The following ALB variants were observed in gnomAD, a reference collection of about 807,000 sequenced individuals.
The protein encoded by ALB is serum albumin.
A neutral mutation model predicts 74.5 loss-of-function variants in ALB; 37 were observed. The observed-to-expected ratio is 0.50, with a 90% CI of 0.38 to 0.65. The LOEUF is 0.65. ALB is among the 30% of genes least tolerant of loss of function. The pLI is 0.00. For synonymous variants in ALB, 249 were observed against 251.6 expected (o/e 0.99, Z 0.10); for missense variants, 685 against 718.7 (o/e 0.95, Z 0.54).
At chr4:73,405,806 T>C (rs1199514030) in intron 2 of ALB, among the ~76,000 whole-genome samples, 1 of 152,072 alleles carries the variant, frequency 6.6e-6, no homozygotes, top group Non-Finnish European at 1.5e-5. Context: ...GCCAGGATGG[T>C]CTCAATCTCC....
At chr4:73,405,404 C>T (rs1405818263) in intron 2 of ALB, among the ~76,000 whole-genome samples, 1 of 152,100 alleles carries the variant, frequency 6.6e-6, no homozygotes, top group African/African-American at 2.4e-5. Flanking sequence ...GAAACAAAAA[C>T]TTAAATTGTA....
intron 4 of ALB, chr4:73,409,150 C>A: frequency 1.8e-6 from 1 of 562,078 alleles, no homozygotes; most frequent in Non-Finnish European, 3.1e-6. Context: ...CATTTATGCA[C>A]ACACACACAC....
At chr4:73,411,717 A>C (rs1194607742) in intron 6 of ALB, among the ~76,000 whole-genome samples, 2 of 152,198 alleles carry the variant, frequency 1.3e-5, no homozygotes, top group Non-Finnish European at 2.9e-5. Context: ...TCTGGACTCC[A>C]AACCTGATGC....
In ALB at chr4:73,408,779, T is replaced by A; in HGVS notation, c.456T>A (p.His152Gln). ...PEVDVMCTAF[H>Q]DNEETFLKKY... ...TTGATGTGATGTGCACTGCTTTTCATGACAATGAAGAGACATTTTTGAAAA... is the reference window on the plus strand; with the variant it reads ...TTGATGTGATGTGCACTGCTTTTCAAGACAATGAAGAGACATTTTTGAAAA... The change falls in exon 4 of 15, where the codon CAT becomes CAA. Residue 152 changes from histidine to glutamine, a missense_variant. Transcript: ENST00000295897. The A allele has an allele frequency of 1.2e-6, 2 of 1,613,826 alleles. No homozygotes were observed. Among genetic ancestry groups the A allele is most frequent in the Non-Finnish European group, 1.7e-6 (2 of 1,179,766 alleles).
At chr4:73,407,484 A>C (rs1718764074) in intron 3 of ALB, among the ~76,000 whole-genome samples, 1 of 152,210 alleles carries the variant, frequency 6.6e-6, no homozygotes, top group Non-Finnish European at 1.5e-5. Flanking sequence ...TGTGTGTACC[A>C]CATTTTCTTT....
At chr4:73,418,914 C>A (rs1052651239) in intron 12 of ALB, among the ~76,000 whole-genome samples, 1 of 152,148 alleles carries the variant, frequency 6.6e-6, no homozygotes, top group Non-Finnish European at 1.5e-5. Context: ...CCACACAAAT[C>A]TCTCCCTGGC....
chr4:73,412,288 C>T (rs1456035901), intron 7 of ALB, 163 bp downstream of exon 7: 3 of 864,698 alleles, frequency 3.5e-6, no homozygotes, highest in Non-Finnish European at 5.7e-6. Flanking sequence ...TGGTACCTTT[C>T]TGTTTTTAAC....
chr4:73,409,052 ATTAT>A, intron 4 of ALB: 1 of 575,486 alleles, frequency 1.7e-6, no homozygotes, highest in East Asian at 2.9e-5. Flanking sequence ...AGATAGACAA[ATTAT>A]TTAATGTATT....
intron 2 of ALB, among the ~76,000 whole-genome samples, chr4:73,405,613 C>G (rs538119532): frequency 1.3e-5 from 2 of 150,646 alleles, no homozygotes; most frequent in South Asian, 4.2e-4. Flanking sequence ...TTTTTTAAGA[C>G]AGGGTCTCGC....
chr4:73,410,575 C>A (rs1374356429), intron 6 of ALB, among the ~76,000 whole-genome samples, 166 bp downstream of exon 6: 1 of 152,090 alleles, frequency 6.6e-6, no homozygotes, highest in Non-Finnish European at 1.5e-5. Flanking sequence ...ATATCAATGA[C>A]AATTTGACAT....
At chr4:73,411,508 A>C (rs1363594521) in intron 6 of ALB, among the ~76,000 whole-genome samples, 4 of 152,236 alleles carry the variant, frequency 2.6e-5, no homozygotes, top group African/African-American at 9.6e-5. Flanking sequence ...GTTTCAATTG[A>C]GAAAAAAGAT....
At chr4:73,406,106 C>CA (rs1402302059) in intron 2 of ALB, among the ~76,000 whole-genome samples, 3 of 151,700 alleles carry the variant, frequency 2.0e-5, no homozygotes, top group South Asian at 2.1e-4. Flanking sequence ...AACAAACAAA[C>CA]AAAAAAATTA....
rs1577936414 is a variant in ALB, at chr4:73,409,235, C to T, written c.483-120C>T. ...ACAAGACCATCATGTGCAAATTGAG[C>T]TTAATTGGTTAATTAGATATCTTTG... On this transcript the variant is annotated intron_variant, in intron 4 of 14. Transcript: ENST00000295897. 2.7e-6 allele frequency: 3 copies of T among 1,092,802 alleles called. No individual in the cohort carries two copies. In the East Asian group the frequency reaches 7.5e-5, roughly 27 times the overall value. The allele number at this position is 1,092,802 out of a possible 1,614,324, so 67.7% of individuals were successfully genotyped here.
chr4:73,414,651 CACCA>C (rs1718970050), intron 8 of ALB, among the ~76,000 whole-genome samples: 1 of 152,080 alleles, frequency 6.6e-6, no homozygotes, highest in African/African-American at 2.4e-5. Flanking sequence ...GATGGGGTTT[CACCA>C]TGTTGGTCAG....
In ALB at chr4:73,417,156, A is replaced by G. The variant is rs553246351; in HGVS notation, c.1290-375A>G. 6.6e-5 allele frequency among the ~76,000 whole-genome samples: 10 copies of G among 152,320 alleles called. No homozygotes were observed. The South Asian group carries it at 2.1e-3, about 32-fold the overall frequency. ...CTACTTTTAATTTAACCCTTGAACT[A>G]TCCCTATTGAGTCAGATATATTTCC... On this transcript the variant is annotated intron_variant, in intron 10 of 14. Coordinates refer to ENST00000295897, the MANE Select transcript of ALB (RefSeq NM_000477.7).
chr4:73,408,472 A>G, intron 3 of ALB, 122 bp from the exon 4 acceptor site: 1 of 832,692 alleles, frequency 1.2e-6, no homozygotes, highest in Non-Finnish European at 1.9e-6. Context: ...TGGGAGGGGA[A>G]GCGGATTTTT....
At chr4:73,417,804 C>T (rs9999209) in intron 11 of ALB, 135 bp downstream of exon 11, 499,894 of 894,404 alleles carry the variant, frequency 0.56, 140,378 homozygotes, top group Non-Finnish European at 0.59. Flanking sequence ...TGTGCATGCA[C>T]GTGTGTGTAT....
At chr4:73,417,416 A>G (rs532450269) in intron 10 of ALB, 115 bp from the exon 11 acceptor site, 39 of 1,310,368 alleles carry the variant, frequency 3.0e-5, no homozygotes, top group South Asian at 1.4e-4. Flanking sequence ...TGGAGATAAT[A>G]TGATGAATGG....
intron 13 of ALB, 152 bp from the exon 14 acceptor site, chr4:73,420,102 T>C: frequency 1.4e-6 from 1 of 731,736 alleles, no homozygotes; most frequent in Non-Finnish European, 2.3e-6. Flanking sequence ...GTCCGTGAGC[T>C]TCCGTCCAGA....
Sources: gnomAD v4.1 joint callset for allele counts (sites outside exome capture counted in the v4.1 genomes callset) on GRCh38, gnomAD v4.1.1 for gene constraint, MANE v1.5 for transcripts, NCBI Gene and HGNC (gene_info 2026-07-23, HGNC 2026-07-21) for gene names.